ZSCAN29: variants seen among roughly 807,000 people sequenced by gnomAD.
The protein encoded by ZSCAN29 is zinc finger and SCAN domain containing 29, also known as zinc finger and SCAN domain-containing protein 29.
In ZSCAN29, 55 loss-of-function variants were observed where a neutral mutation model predicts 71.9. That is an observed-to-expected ratio of 0.76 (90% CI 0.62 to 0.96). ZSCAN29 has a LOEUF of 0.96. Among genes scored for constraint, ZSCAN29 ranks in the 40% least tolerant of loss-of-function variants. The pLI, the probability that ZSCAN29 is intolerant of heterozygous loss-of-function variation, is 0.00. For missense variants in ZSCAN29, 1,042 were observed against 1,042.2 expected, an observed-to-expected ratio of 1.00 and a Z score of 0.00; for synonymous variants, 351 against 371.6, an observed-to-expected ratio of 0.94 and a Z score of 0.64.
chr15:43,366,701 T>A lies in ZSCAN29; in HGVS notation c.631A>T (p.Ile211Leu), dbSNP rs777442540. 3 of 1,614,112 alleles carry A rather than the reference T, an allele frequency of 1.9e-6. No individual in the cohort carries two copies. Among genetic ancestry groups the A allele is most frequent in the Middle Eastern group, 1.6e-4 (1 of 6,084 alleles). The change falls in exon 4 of 6, where the codon ATA (isoleucine) becomes TTA (leucine). Residue 211 changes from isoleucine to leucine, a missense_variant. Physicochemically the swap from Ile to Leu is conservative, Grantham distance 5 (BLOSUM62 2). Transcript: ENST00000684362. ...KEKELPSGSH[I>L]GDRRVHADLL... is the part of the protein sequence containing the mutation. The stretch of plus-strand genomic sequence containing the variant: ...TCAGCATGCACTCGTCTGTCTCCTA[T>A]GTGGCTGCCACTTGGAAGTTCTTTC...
intron 3 of ZSCAN29, among the ~76,000 whole-genome samples, chr15:43,367,642 T>C (rs1008905441): frequency 4.3e-4 from 66 of 152,198 alleles, no homozygotes; most frequent in African/African-American, 1.5e-3. Context: ...GTTCGGCACA[T>C]ACTTAAGAGT....
Position 43,358,359 on chromosome 15 carries a change from T to C in ZSCAN29, c.*2714A>G, listed in dbSNP as rs762633262. 2.1e-4 allele frequency: 32 copies of C among 151,698 alleles called. No individual in the cohort carries two copies. Among genetic ancestry groups the C allele is most frequent in the Non-Finnish European group, 4.3e-4 (29 of 67,926 alleles). The allele number at this position is 151,698 out of a possible 1,614,324, so 9.4% of individuals were successfully genotyped here. ...CTATACATAGATATACTAAAGACAATACTTTTTTTTTTTTTTGACATTACA... is the reference window on the plus strand; with the variant it reads ...CTATACATAGATATACTAAAGACAACACTTTTTTTTTTTTTTGACATTACA... On this transcript the variant is annotated 3_prime_UTR_variant, in exon 6 of 6. Transcript: ENST00000684362.
rs2043983156 is a variant in ZSCAN29 at position 43,361,679 on chromosome 15, A to T, written c.1953T>A (p.Tyr651Ter). ...AGCTTTTGCTGTATTTGAGATATTT[A>T]TAGGGTCTCTCTCCCAAGCAAGGTC... is the stretch of plus-strand genomic sequence containing the variant. ...QQRPCLGERP[Y>*]KYLKYSKSFG... The change falls in exon 6 of 6, where the codon TAT becomes TAA. Residue 651 changes from tyrosine (Y) to a stop codon, truncating the protein, a stop_gained. Coordinates refer to ENST00000684362, the MANE Select transcript of ZSCAN29 (RefSeq NM_001372080.1). LOFTEE classifies it high-confidence loss of function. 2 of 1,614,040 alleles carry T rather than the reference A, an allele frequency of 1.2e-6. No homozygotes were observed. Among genetic ancestry groups the T allele is most frequent in the Non-Finnish European group, 1.7e-6 (2 of 1,180,034 alleles).
Position 43,366,157 on chromosome 15 carries a change from G to A in ZSCAN29, c.1175C>T (p.Pro392Leu), listed in dbSNP as rs948395910. Residue 392 changes from proline (P) to leucine (L), a missense_variant, in exon 4 of 6, where the codon CCC (proline) becomes CTC (leucine). By Grantham distance (98) the Pro-to-Leu change is moderately conservative. Coordinates refer to ENST00000684362, the MANE Select transcript of ZSCAN29 (RefSeq NM_001372080.1). ...AGGTGCAGCTGAGTTGGGGTCCTGG[G>A]GGGTCGCCTCTAGATCCATGTCATC... ...DSDDMDLEAT[P>L]QDPNSAAPVV... The A allele has an allele frequency of 1.2e-5, 20 of 1,614,028 alleles. No homozygotes were observed. The highest frequency in any genetic ancestry group is 2.2e-5 in the East Asian group (1 of 44,878).
Position 43,369,865 on chromosome 15 carries a change from A to C in ZSCAN29, c.49T>G (p.Phe17Val), listed in dbSNP as rs2044083253. The C allele has an allele frequency of 1.2e-6, 2 of 1,612,678 alleles. No homozygotes were observed. The highest frequency in any genetic ancestry group is 1.7e-6 in the Non-Finnish European group (2 of 1,179,964). ...TGGAATCTCCTGAAACGCTGTCGGA[A>C]GGTCTCAGAGTTAGTGCCATTCTCT... is the stretch of plus-strand genomic sequence containing the variant. Reference protein sequence around the residue: ...LRENGTNSETFRQRFRRFHYQ... With the variant: ...LRENGTNSETVRQRFRRFHYQ... Residue 17 changes from phenylalanine to valine, a missense_variant, in exon 2 of 6, where the codon TTC (phenylalanine) becomes GTC (valine). Coordinates refer to ENST00000684362, the MANE Select transcript of ZSCAN29 (RefSeq NM_001372080.1).
chr15:43,362,032 A>G (rs2043987826), intron 5 of ZSCAN29, 91 bp from the exon 6 acceptor site: 2 of 1,345,138 alleles, frequency 1.5e-6, no homozygotes, highest in Non-Finnish European at 2.0e-6. Flanking sequence ...GCATTACACC[A>G]CATGATTAAA....
At position 43,361,041 on chromosome 15, in the gene ZSCAN29, T is replaced by G. The variant is rs770315103; in HGVS notation, c.*32A>C. ...AAGACTTTCTAAACAATACATTTAT[T>G]GAGCCTCTTTCCGTTATATATCCTC... On this transcript the variant is annotated 3_prime_UTR_variant, in exon 6 of 6. Coordinates refer to ENST00000684362, the MANE Select transcript of ZSCAN29 (RefSeq NM_001372080.1). 1.6e-5 allele frequency: 25 copies of G among 1,540,908 alleles called. No homozygotes were observed. Among genetic ancestry groups the G allele is most frequent in the Non-Finnish European group, 2.2e-5 (25 of 1,145,114 alleles).
At chr15:43,369,250 G>T in intron 2 of ZSCAN29, 123 bp from the exon 3 acceptor site, 1 of 977,966 alleles carries the variant, frequency 1.0e-6, no homozygotes, top group Non-Finnish European at 1.4e-6. Context: ...TAGGGGTGAG[G>T]GAGGTTAACG....
At position 43,361,664 on chromosome 15, in the gene ZSCAN29, G is replaced by A. The variant is rs1401937217; in HGVS notation, c.1968C>T (p.Tyr656=). 6.2e-7 allele frequency: 1 copy of A among 1,614,164 alleles called. No individual in the cohort carries two copies. ...LGERPYKYLK[Y]SKSFGPNSLL... Reference sequence around the variant, plus strand: ...GGGAGTTTGGACCAAAGCTTTTGCTGTATTTGAGATATTTATAGGGTCTCT... The same window carrying A: ...GGGAGTTTGGACCAAAGCTTTTGCTATATTTGAGATATTTATAGGGTCTCT... The change falls in exon 6 of 6, where the codon TAC becomes TAT. Residue 656 remains tyrosine (Y), a synonymous_variant. Coordinates refer to ENST00000684362, the MANE Select transcript of ZSCAN29 (RefSeq NM_001372080.1).
rs981338831 is a variant in ZSCAN29 at position 43,364,231 on chromosome 15, T to A, written c.1374A>T (p.Pro458=). Residue 458 remains proline (P), a synonymous_variant, in exon 5 of 6, where the codon CCA becomes CCT. Transcript: ENST00000684362. ...TTTTAAACTTGGTCCGACACTGTTC[T>A]GGGGTCCTAAGAAAGCCATATTCCC... ...RLWEYGFLRT[P]EQCRTKFKSL... 12 of 1,614,102 alleles carry A rather than the reference T, an allele frequency of 7.4e-6. No homozygotes were observed. Among genetic ancestry groups the A allele is most frequent in the Admixed American group, 5.0e-5 (3 of 60,004 alleles).
intron 4 of ZSCAN29, among the ~76,000 whole-genome samples, chr15:43,364,892 CAA>C (rs57976198): frequency 4.5e-3 from 174 of 38,920 alleles, no homozygotes; most frequent in African/African-American, 0.014. Flanking sequence ...GACTCTGTCT[CAA>C]AAAAAAAAAA....
rs903746526 is a variant in ZSCAN29, at chr15:43,360,940, C to T, written c.*133G>A. On this transcript the variant is annotated 3_prime_UTR_variant, in exon 6 of 6. Coordinates refer to ENST00000684362, the MANE Select transcript of ZSCAN29 (RefSeq NM_001372080.1). Reference sequence around the variant, plus strand: ...AGTCTAGATCAGGAAAAACAAGGAACAAACAGTGGCATAAATCCTAAAGTG... The same window carrying T: ...AGTCTAGATCAGGAAAAACAAGGAATAAACAGTGGCATAAATCCTAAAGTG... 1.2e-4 allele frequency: 149 copies of T among 1,260,598 alleles called. No homozygotes were observed. The highest frequency in any genetic ancestry group is 1.6e-4 in the Non-Finnish European group (143 of 917,916). The allele number at this position is 1,260,598 out of a possible 1,614,324, so 78.1% of individuals were successfully genotyped here. A position where few individuals can be genotyped will look rare whatever the true frequency, so the allele number is the denominator to read the frequency against.
rs1217888066 is a variant in ZSCAN29, at chr15:43,359,310, TC to T, written c.*1762del. ...CACTTGTTTGTCCATGTCAGTGTCATCTGCTTTAGATTGTAAGGACAAGGAG... is the reference window on the plus strand; with the variant it reads ...CACTTGTTTGTCCATGTCAGTGTCATTGCTTTAGATTGTAAGGACAAGGAG... On this transcript the variant is annotated 3_prime_UTR_variant, in exon 6 of 6. Transcript: ENST00000684362. 2.0e-5 allele frequency: 3 copies of T among 152,276 alleles called. No homozygotes were observed. The highest frequency in any genetic ancestry group is 4.1e-4 in the South Asian group (2 of 4,834). The allele number at this position is 152,276 out of a possible 1,614,324, so 9.4% of individuals were successfully genotyped here. A position where few individuals can be genotyped will look rare whatever the true frequency, so the allele number is the denominator to read the frequency against.
Position 43,361,297 on chromosome 15 carries a change from C to G in ZSCAN29, c.2335G>C (p.Ala779Pro). Residue 779 changes from alanine (A) to proline (P), a missense_variant, in exon 6 of 6, where the codon GCA becomes CCA. By Grantham distance (27) the Ala-to-Pro change is conservative. Transcript: ENST00000684362. The stretch of plus-strand genomic sequence containing the variant: ...TCTCCTGTGTGTATCCTCCGATGTG[C>G]ACTAAAATGAGAACTGTTATTGAAG... The part of the protein sequence containing the change: ...KSFNNSSHFS[A>P]HRRIHTGERP... 6.2e-7 allele frequency: 1 copy of G among 1,614,008 alleles called. No homozygotes were observed. The highest frequency in any genetic ancestry group is 8.5e-7 in the Non-Finnish European group (1 of 1,180,024).
At chr15:43,364,892 CA>C (rs57976198) in intron 4 of ZSCAN29, among the ~76,000 whole-genome samples, 3,093 of 39,014 alleles carry the variant, frequency 0.079, 31 homozygotes, top group African/African-American at 0.2. Flanking sequence ...GACTCTGTCT[CA>C]AAAAAAAAAA....
chr15:43,360,964 T>G lies in ZSCAN29; in HGVS notation c.*109A>C. ...ACAAACAGTGGCATAAATCCTAAAG[T>G]GAATTTCCTAAGCTAACTGGACACA... On this transcript the variant is annotated 3_prime_UTR_variant, in exon 6 of 6. Coordinates refer to ENST00000684362, the MANE Select transcript of ZSCAN29 (RefSeq NM_001372080.1). 1 of 1,411,050 alleles carries G rather than the reference T, an allele frequency of 7.1e-7. No homozygotes were observed. The highest frequency in any genetic ancestry group is 1.5e-5 in the South Asian group (1 of 67,672). The allele number at this position is 1,411,050 out of a possible 1,614,324, so 87.4% of individuals were successfully genotyped here. A position where few individuals can be genotyped will look rare whatever the true frequency, so the allele number is the denominator to read the frequency against.
intron 5 of ZSCAN29, 24 bp from the exon 6 acceptor site, chr15:43,361,965 A>G: frequency 6.3e-7 from 1 of 1,582,840 alleles, no homozygotes; most frequent in Middle Eastern, 1.7e-4. Context: ...GAATTTTAGA[A>G]GTTATCTATT....
rs956814219 is a variant in ZSCAN29, at chr15:43,360,980, A to G, written c.*93T>C. 11 of 1,467,896 alleles carry G rather than the reference A, an allele frequency of 7.5e-6. No individual in the cohort carries two copies. Among genetic ancestry groups the G allele is most frequent in the Non-Finnish European group, 1.0e-5 (11 of 1,097,526 alleles). The allele number at this position is 1,467,896 out of a possible 1,614,324, so 90.9% of individuals were successfully genotyped here. On this transcript the variant is annotated 3_prime_UTR_variant, in exon 6 of 6. Transcript: ENST00000684362. ...ATCCTAAAGTGAATTTCCTAAGCTAACTGGACACAGAATAGTAGATGAATC... is the reference window on the plus strand; with the variant it reads ...ATCCTAAAGTGAATTTCCTAAGCTAGCTGGACACAGAATAGTAGATGAATC...
At chr15:43,369,279 C>A in intron 2 of ZSCAN29, 152 bp from the exon 3 acceptor site, 1 of 717,910 alleles carries the variant, frequency 1.4e-6, no homozygotes, top group Non-Finnish European at 2.1e-6. Context: ...GGTCTTATTC[C>A]ATTGCCATTA....
Sources: gnomAD v4.1 joint callset for allele counts (sites outside exome capture counted in the v4.1 genomes callset) on GRCh38, gnomAD v4.1.1 for gene constraint, MANE v1.5 for transcripts, NCBI Gene and HGNC (gene_info 2026-07-23, HGNC 2026-07-21) for gene names.